CXCL5: variants seen among roughly 807,000 people sequenced by gnomAD.
CXCL5 encodes the protein C-X-C motif chemokine ligand 5.
In CXCL5, 13 loss-of-function variants were observed where a neutral mutation model predicts 12.1. The observed-to-expected ratio is 1.08, with a 90% CI of 0.70 to 1.71. The LOEUF (loss-of-function observed/expected upper bound fraction) is 1.71, where lower values mean the gene tolerates loss of function less well. CXCL5 is among the 40% of genes most tolerant of loss of function. CXCL5 has a pLI of 0.00. For missense variants in CXCL5, 159 were observed against 142.4 expected, an observed-to-expected ratio of 1.12 and a Z score of -0.59; for synonymous variants, 67 against 59.0, an observed-to-expected ratio of 1.14 and a Z score of -0.62.
At chr4:73,998,375 T>G in intron 1 of CXCL5, 37 bp from the exon 2 acceptor site, 1 of 1,612,184 alleles carries the variant, frequency 6.2e-7, no homozygotes. Flanking sequence ...ATAGGGCAGG[T>G]TGCTGGGAGA....
In CXCL5 at chr4:73,996,582, TG is replaced by T. The variant is rs1719199370; in HGVS notation, c.*1054del. ...TGACATCCCTTGGACAACTTCTCCT[TG>T]TTTTTTTTTGTTTTGTTTTGTTTTT... is the stretch of plus-strand genomic sequence containing the variant. On this transcript the variant is annotated 3_prime_UTR_variant, in exon 4 of 4. Transcript: ENST00000296027. 1 of 152,564 alleles carries T rather than the reference TG, an allele frequency of 6.6e-6. No homozygotes were observed. 9.5% of individuals were successfully genotyped at this position (152,564 alleles called of 1,614,324 possible).
At chr4:73,997,703 T>TCTACTC in intron 3 of CXCL5, 48 bp from the exon 4 acceptor site, 1 of 1,439,020 alleles carries the variant, frequency 6.9e-7, no homozygotes, top group Non-Finnish European at 9.7e-7. Flanking sequence ...CACACTCCTT[T>TCTACTC]CTACTCCACC....
rs772756603 is a variant in CXCL5 at position 73,998,094 on chromosome 4, C to G, written c.244G>C (p.Ala82Pro). 1.2e-6 allele frequency: 2 copies of G among 1,613,494 alleles called. No homozygotes were observed. The highest frequency in any genetic ancestry group is 8.5e-7 in the Non-Finnish European group (1 of 1,179,934). Residue 82 changes from alanine to proline, a missense_variant and splice_region_variant, in exon 3 of 4, where the codon GCC (alanine) becomes CCC (proline). Physicochemically the swap from Ala to Pro is conservative, Grantham distance 27 (BLOSUM62 -1). Coordinates refer to ENST00000296027, the MANE Select transcript of CXCL5 (RefSeq NM_002994.5). ...GPQCSKVEVV[A>P]SLKNGKEICL... ...ATTTCCTTCCCGTTCTTCAGGGAGG[C>G]TCTGAAGGAAAGAAAAAGAAGATAC... is the stretch of plus-strand genomic sequence containing the variant.
intron 1 of CXCL5, 52 bp downstream of exon 1, chr4:73,998,421 A>G (rs1162629034): frequency 1.2e-6 from 2 of 1,607,722 alleles, no homozygotes; most frequent in East Asian, 2.2e-5. Context: ...AGAGGCTGGG[A>G]TGCACCTCTG....
At position 73,998,304 on chromosome 4, in the gene CXCL5, A is replaced by AC; in HGVS notation, c.143dup (p.Cys49LeufsTer17). ...CTTGCGTGGTCTGTAAACAAACGCAACGCAGCTCTCTCAACACAGCAGCGG... is the reference window on the plus strand; with the variant it reads ...CTTGCGTGGTCTGTAAACAAACGCAACCGCAGCTCTCTCAACACAGCAGCGG... On this transcript the variant is annotated frameshift_variant, in exon 2 of 4. Transcript: ENST00000296027. LOFTEE classifies it high-confidence loss of function. The AC allele has an allele frequency of 6.2e-7, 1 of 1,614,220 alleles. No homozygotes were observed. Among genetic ancestry groups the AC allele is most frequent in the Non-Finnish European group, 8.5e-7 (1 of 1,180,040 alleles).
Position 73,995,756 on chromosome 4 carries a change from T to C in CXCL5, c.*1881A>G, listed in dbSNP as rs199850818. 6.6e-6 allele frequency: 1 copy of C among 150,762 alleles called. No homozygotes were observed. Among genetic ancestry groups the C allele is most frequent in the Non-Finnish European group, 1.5e-5 (1 of 67,764 alleles). 9.3% of individuals were successfully genotyped at this position (150,762 alleles called of 1,614,324 possible). A position where few individuals can be genotyped will look rare whatever the true frequency, so the allele number is the denominator to read the frequency against. ...TATAGTGAATGTAATATATATGTAA[T>C]TACTCATAACAAAATGGTCAAAACC... is the stretch of plus-strand genomic sequence containing the variant. On this transcript the variant is annotated 3_prime_UTR_variant, in exon 4 of 4. Coordinates refer to ENST00000296027, the MANE Select transcript of CXCL5 (RefSeq NM_002994.5).
rs1719240257 is a variant in CXCL5, at chr4:73,998,211, T to C, written c.237A>G (p.Glu79=). The change falls in exon 2 of 4, where the codon GAA becomes GAG. Residue 79 remains glutamate (E), a synonymous_variant. Coordinates refer to ENST00000296027, the MANE Select transcript of CXCL5 (RefSeq NM_002994.5). ...FAIGPQCSKV[E]VVASLKNGKE... Reference sequence around the variant, plus strand: ...CACAGCAGCACAGAACTTACACCACTTCCACCTTGGAGCACTGTGGGCCTA... The same window carrying C: ...CACAGCAGCACAGAACTTACACCACCTCCACCTTGGAGCACTGTGGGCCTA... 1 of 1,614,222 alleles carries C rather than the reference T, an allele frequency of 6.2e-7. No individual in the cohort carries two copies. Among genetic ancestry groups the C allele is most frequent in the Non-Finnish European group, 8.5e-7 (1 of 1,180,034 alleles).
In CXCL5 at chr4:73,997,416, C is replaced by A. The variant is rs903201068; in HGVS notation, c.*221G>T. On this transcript the variant is annotated 3_prime_UTR_variant, in exon 4 of 4. Transcript: ENST00000296027. ...AACAGCAAATAGCAGAGGTACTATG[C>A]TAAACACTTCATTAGCTGAGCTGAA... 1 of 544,458 alleles carries A rather than the reference C, an allele frequency of 1.8e-6. No homozygotes were observed. The highest frequency in any genetic ancestry group is 3.2e-6 in the Non-Finnish European group (1 of 312,134). 33.7% of individuals were successfully genotyped at this position (544,458 alleles called of 1,614,324 possible).
In CXCL5 at chr4:73,995,765, A is replaced by G. The variant is rs1221776192; in HGVS notation, c.*1872T>C. On this transcript the variant is annotated 3_prime_UTR_variant, in exon 4 of 4. Transcript: ENST00000296027. ...TGTAATATATATGTAATTACTCATA[A>G]CAAAATGGTCAAAACCTTTAAAAGA... is the stretch of plus-strand genomic sequence containing the variant. The G allele has an allele frequency of 6.6e-6, 1 of 150,698 alleles. No homozygotes were observed. Among genetic ancestry groups the G allele is most frequent in the African/African-American group, 2.4e-5 (1 of 41,138 alleles). The allele number at this position is 150,698 out of a possible 1,614,324, so 9.3% of individuals were successfully genotyped here. A position where few individuals can be genotyped will look rare whatever the true frequency, so the allele number is the denominator to read the frequency against.
At position 73,997,463 on chromosome 4, in the gene CXCL5, T is replaced by C. The variant is rs1048160202; in HGVS notation, c.*174A>G. The C allele has an allele frequency of 2.7e-5, 16 of 598,896 alleles. No individual in the cohort carries two copies. Among genetic ancestry groups the C allele is most frequent in the Non-Finnish European group, 4.7e-5 (16 of 340,646 alleles). 37.1% of individuals were successfully genotyped at this position (598,896 alleles called of 1,614,324 possible). On this transcript the variant is annotated 3_prime_UTR_variant, in exon 4 of 4. Coordinates refer to ENST00000296027, the MANE Select transcript of CXCL5 (RefSeq NM_002994.5). ...TGAAAGCTTAAGCGGCAAACATAGG[T>C]TTTCCTCACACTCTTCAAAGTGAGG...
chr4:73,998,202 T>C lies in CXCL5; in HGVS notation c.242+4A>G, dbSNP rs1719239622. ...CACAGCGGACACAGCAGCACAGAAC[T>C]TACACCACTTCCACCTTGGAGCACT... On this transcript the variant is annotated splice_donor_region_variant and intron_variant, in intron 2 of 3. Transcript: ENST00000296027. 6.2e-7 allele frequency: 1 copy of C among 1,614,162 alleles called. No individual in the cohort carries two copies. The highest frequency in any genetic ancestry group is 8.5e-7 in the Non-Finnish European group (1 of 1,180,020).
In CXCL5 at chr4:73,995,890, G is replaced by C. The variant is rs1008735567; in HGVS notation, c.*1747C>G. The C allele has an allele frequency of 6.7e-6, 1 of 149,614 alleles. No homozygotes were observed. The highest frequency in any genetic ancestry group is 1.5e-5 in the Non-Finnish European group (1 of 67,484). 9.3% of individuals were successfully genotyped at this position (149,614 alleles called of 1,614,324 possible). A position where few individuals can be genotyped will look rare whatever the true frequency, so the allele number is the denominator to read the frequency against. On this transcript the variant is annotated 3_prime_UTR_variant, in exon 4 of 4. Transcript: ENST00000296027. Reference sequence around the variant, plus strand: ...AATACATACGTTTTTACCAAGAAATGTTTTATTTTTCTTGCAGTAGCTTTG... The same window carrying C: ...AATACATACGTTTTTACCAAGAAATCTTTTATTTTTCTTGCAGTAGCTTTG...
Position 73,996,280 on chromosome 4 carries a change from A to ACAGAAATGCTTCAG in CXCL5, c.*1356_*1357insCTGAAGCATTTCTG, listed in dbSNP as rs1719190594. 6.6e-6 allele frequency: 1 copy of ACAGAAATGCTTCAG among 152,600 alleles called. No individual in the cohort carries two copies. The highest frequency in any genetic ancestry group is 6.5e-5 in the Admixed American group (1 of 15,280). The allele number at this position is 152,600 out of a possible 1,614,324, so 9.5% of individuals were successfully genotyped here. A position where few individuals can be genotyped will look rare whatever the true frequency, so the allele number is the denominator to read the frequency against. ...CCCCAGTGTGTCCCACCAGGACTAG[A>ACAGAAATGCTTCAG]ACAGGCTTTACATTCAGACAGAAAT... On this transcript the variant is annotated 3_prime_UTR_variant, in exon 4 of 4. Transcript: ENST00000296027.
Position 73,998,286 on chromosome 4 carries a change from G to T in CXCL5, c.162C>A (p.Thr54=). 1 of 1,614,160 alleles carries T rather than the reference G, an allele frequency of 6.2e-7. No homozygotes were observed. Among genetic ancestry groups the T allele is most frequent in the Non-Finnish European group, 8.5e-7 (1 of 1,180,012 alleles). The change falls in exon 2 of 4, where the codon ACC becomes ACA. Residue 54 remains threonine, a synonymous_variant. Coordinates refer to ENST00000296027, the MANE Select transcript of CXCL5 (RefSeq NM_002994.5). The stretch of plus-strand genomic sequence containing the variant: ...TCATTTTGGGATGAACTCCTTGCGT[G>T]GTCTGTAAACAAACGCAACGCAGCT... The part of the protein sequence containing the change: ...LRELRCVCLQ[T]TQGVHPKMIS...
rs1719182548 is a variant in CXCL5 at position 73,995,927 on chromosome 4, A to T, written c.*1710T>A. The T allele has an allele frequency of 6.6e-6, 1 of 151,614 alleles. No homozygotes were observed. Among genetic ancestry groups the T allele is most frequent in the African/African-American group, 2.4e-5 (1 of 41,270 alleles). The allele number at this position is 151,614 out of a possible 1,614,324, so 9.4% of individuals were successfully genotyped here. On this transcript the variant is annotated 3_prime_UTR_variant, in exon 4 of 4. Coordinates refer to ENST00000296027, the MANE Select transcript of CXCL5 (RefSeq NM_002994.5). ...TTGCAGTAGCTTTGTTAATTGCACAAAATTATGTTTTGTTTTTGCCATTTA... is the reference window on the plus strand; with the variant it reads ...TTGCAGTAGCTTTGTTAATTGCACATAATTATGTTTTGTTTTTGCCATTTA...
At chr4:73,997,730 G>A in intron 3 of CXCL5, 75 bp from the exon 4 acceptor site, 2 of 1,185,532 alleles carry the variant, frequency 1.7e-6, no homozygotes, top group Non-Finnish European at 1.2e-6. Flanking sequence ...AAAACTCAGC[G>A]TTTATGATGT....
rs933129904 is a variant in CXCL5, at chr4:73,998,493, T to G, written c.89A>C (p.Gln30Pro). Residue 30 changes from glutamine to proline, a missense_variant, in exon 1 of 4, where the codon CAG (glutamine) becomes CCG (proline). Transcript: ENST00000296027. ...CTCACCGCTGGCGATGGGCCCTGGC[T>G]GCGTCAGCAGCAGCAGCAGCACCAA... ...ALLVLLLLLT[Q>P]PGPIASAGPA... is the part of the protein sequence containing the mutation. 1 of 1,600,818 alleles carries G rather than the reference T, an allele frequency of 6.2e-7. No individual in the cohort carries two copies. Among genetic ancestry groups the G allele is most frequent in the East Asian group, 2.3e-5 (1 of 44,356 alleles).
chr4:73,998,155 G>A (rs1719238850), intron 2 of CXCL5, 51 bp downstream of exon 2: 1 of 1,613,928 alleles, frequency 6.2e-7, no homozygotes, highest in Non-Finnish European at 8.5e-7. Context: ...CCCAGGCTGC[G>A]GGATTTCTCT....
chr4:73,998,231 G>A lies in CXCL5; in HGVS notation c.217C>T (p.Pro73Ser), dbSNP rs369811933. ...ISNLQVFAIG[P>S]QCSKVEVVAS... Reference sequence around the variant, plus strand: ...ACCACTTCCACCTTGGAGCACTGTGGGCCTATGGCGAACACTTGCAGATTA... The same window carrying A: ...ACCACTTCCACCTTGGAGCACTGTGAGCCTATGGCGAACACTTGCAGATTA... The change falls in exon 2 of 4, where the codon CCA becomes TCA. Residue 73 changes from proline (P) to serine (S), a missense_variant. By Grantham distance (74) the Pro-to-Ser change is moderately conservative. Transcript: ENST00000296027. The A allele has an allele frequency of 2.5e-6, 4 of 1,614,112 alleles. No individual in the cohort carries two copies. The highest frequency in any genetic ancestry group is 3.4e-6 in the Non-Finnish European group (4 of 1,180,056).
Sources: allele counts gnomAD v4.1 joint callset, GRCh38; gene constraint gnomAD v4.1.1; transcripts MANE v1.5; gene names NCBI Gene and HGNC (gene_info 2026-07-23, HGNC 2026-07-21).